Variants in ATP13A4 observed in about 807,000 individuals in gnomAD.
The protein encoded by ATP13A4 is ATPase 13A4, also known as probable cation-transporting ATPase 13A4.
Under a neutral mutation model 142.5 loss-of-function variants are expected in ATP13A4, and 114 were observed. The observed-to-expected ratio is 0.80, with a 90% CI of 0.69 to 0.93. The LOEUF (loss-of-function observed/expected upper bound fraction) is 0.93, where lower values mean the gene tolerates loss of function less well. Among genes scored for constraint, ATP13A4 ranks in the 40% least tolerant of loss-of-function variants. The pLI, the probability that ATP13A4 is intolerant of heterozygous loss-of-function variation, is 0.00. For missense variants in ATP13A4, 1,392 were observed against 1,454.0 expected (o/e 0.96, Z 0.69); for synonymous variants, 488 against 514.8 (o/e 0.95, Z 0.70).
rs1296599870 is a variant in ATP13A4, at chr3:193,448,413, C to A, written c.2028-83G>T. Reference sequence around the variant, plus strand: ...TTGAGACGGAGTCTCGCTCTGTCATCCAGGCTGGAGGACAGTGGTTCAAGT... The same window carrying A: ...TTGAGACGGAGTCTCGCTCTGTCATACAGGCTGGAGGACAGTGGTTCAAGT... On this transcript the variant is annotated intron_variant, in intron 17 of 29. Transcript: ENST00000342695. 3 of 1,550,194 alleles carry A rather than the reference C, an allele frequency of 1.9e-6. No individual in the cohort carries two copies. The East Asian group carries it at 6.8e-5, about 35-fold the overall frequency.
At chr3:193,406,646 CA>C (rs1016325914) in intron 29 of ATP13A4, among the ~76,000 whole-genome samples, 13 of 152,128 alleles carry the variant, frequency 8.5e-5, no homozygotes, top group Admixed American at 7.2e-4. Context: ...GAAAATGGAG[CA>C]AATGGAAGCT....
chr3:193,466,719 G>T (rs906670773), intron 10 of ATP13A4, among the ~76,000 whole-genome samples: 1 of 152,158 alleles, frequency 6.6e-6, no homozygotes, highest in Admixed American at 6.5e-5. Flanking sequence ...CCTATTCATG[G>T]ACATAGCAGA....
intron 1 of ATP13A4, among the ~76,000 whole-genome samples, chr3:193,519,626 A>ATTTTT (rs147173408): frequency 1.4e-4 from 10 of 69,040 alleles, no homozygotes; most frequent in East Asian, 1.4e-3. Flanking sequence ...GCAATTTGTA[A>ATTTTT]TTTTTTTTTT....
intron 1 of ATP13A4, among the ~76,000 whole-genome samples, chr3:193,550,369 T>C (rs531964761): frequency 2.0e-5 from 3 of 151,194 alleles, no homozygotes; most frequent in African/African-American, 4.9e-5. Flanking sequence ...TGCACTGATA[T>C]GATCTCAGCT....
At chr3:193,447,723 T>A (rs1717036019) in intron 18 of ATP13A4, among the ~76,000 whole-genome samples, 3 of 152,218 alleles carry the variant, frequency 2.0e-5, no homozygotes, top group Admixed American at 2.0e-4. Flanking sequence ...GAGTTGGGAT[T>A]GGGAGTAGAG....
chr3:193,591,755 C>T (rs2108752006), intron 1 of ATP13A4, among the ~76,000 whole-genome samples: 1 of 152,168 alleles, frequency 6.6e-6, no homozygotes, highest in South Asian at 2.1e-4. Context: ...TTAGTTTCTC[C>T]TTTTTTTATG....
At chr3:193,469,926 A>C (rs185504006) in intron 9 of ATP13A4, among the ~76,000 whole-genome samples, 1 of 152,296 alleles carries the variant, frequency 6.6e-6, no homozygotes, top group East Asian at 1.9e-4. Context: ...ATTTTTATGA[A>C]TCTATGGGAT....
chr3:193,571,418 A>G (rs867352652), intron 2 of ATP13A4, among the ~76,000 whole-genome samples: 1 of 152,204 alleles, frequency 6.6e-6, no homozygotes, highest in Non-Finnish European at 1.5e-5. Flanking sequence ...AAAGGGCTAC[A>G]TAACTATTCA....
rs747037812 is a variant in ATP13A4, at chr3:193,457,176, A to AG, written c.1762-24dup. 6 of 1,612,514 alleles carry AG rather than the reference A, an allele frequency of 3.7e-6. No homozygotes were observed. The South Asian group carries it at 6.6e-5, about 18-fold the overall frequency. On this transcript the variant is annotated intron_variant, in intron 15 of 29. Transcript: ENST00000342695. ...GACCTGGTTGAGGGATGGGGAAAGG[A>AG]GAGGAACATGCTGATACAGCTTCTA...
intron 3 of ATP13A4, 55 bp downstream of exon 3, chr3:193,502,438 G>C: frequency 6.3e-7 from 1 of 1,575,126 alleles, no homozygotes; most frequent in Non-Finnish European, 8.7e-7. Flanking sequence ...CTATATACTT[G>C]AGGGGAAAAA....
rs1553851730 is a variant in ATP13A4 at position 193,504,020 on chromosome 3, T to TGA, written c.235-1383_235-1382dup. 1.5e-3 allele frequency among the ~76,000 whole-genome samples: 211 copies of TGA among 144,184 alleles called. 1 individual carries two copies. The highest frequency in any genetic ancestry group is 7.0e-3 in the Middle Eastern group (2 of 286). 94.6% of individuals were successfully genotyped at this position (144,184 alleles called of 152,430 possible). A position where few individuals can be genotyped will look rare whatever the true frequency, so the allele number is the denominator to read the frequency against. On this transcript the variant is annotated intron_variant, in intron 2 of 29. Transcript: ENST00000342695. ...ATGTGTGTGTGTGTGTGTGTGTGTG[T>TGA]GAGAGAGAGAGAGAGAGAGAGAAAG...
chr3:193,423,599 A>G (rs1387979359), intron 25 of ATP13A4, among the ~76,000 whole-genome samples: 2 of 149,866 alleles, frequency 1.3e-5, no homozygotes. Flanking sequence ...AATCATTTCA[A>G]TAGATAAGCA....
intron 2 of ATP13A4, among the ~76,000 whole-genome samples, chr3:193,572,814 T>A (rs1162302220): frequency 6.6e-6 from 1 of 151,800 alleles, no homozygotes. Flanking sequence ...CAGTTTGACA[T>A]GTGAATAGGA....
At chr3:193,472,020 C>T (rs1417305962) in intron 8 of ATP13A4, among the ~76,000 whole-genome samples, 4 of 152,012 alleles carry the variant, frequency 2.6e-5, no homozygotes, top group Non-Finnish European at 5.9e-5. Context: ...TGTTGGGACC[C>T]GAGCAAGGTG....
Position 193,576,249 on chromosome 3 carries a change from C to CTTTTTTTTTTTTTT in ATP13A4, n.291+5444_291+5457dup, listed in dbSNP as rs59910562. 7.4e-5 allele frequency among the ~76,000 whole-genome samples: 4 copies of CTTTTTTTTTTTTTT among 54,364 alleles called. 1 individual carries two copies. Among genetic ancestry groups the CTTTTTTTTTTTTTT allele is most frequent in the Non-Finnish European group, 1.3e-4 (4 of 30,064 alleles). The allele number at this position is 54,364 out of a possible 152,430, so 35.7% of individuals were successfully genotyped here. A position where few individuals can be genotyped will look rare whatever the true frequency, so the allele number is the denominator to read the frequency against. ...TCCATGGAATGTGGCTTGAATCAAT[C>CTTTTTTTTTTTTTT]TTTTTTTTTTTTTTTTTTTTTTTTT... is the stretch of plus-strand genomic sequence containing the variant. On this transcript the variant is annotated intron_variant and non_coding_transcript_variant, in intron 2 of 3. Coordinates refer to the ATP13A4 transcript ENST00000489140.
chr3:193,492,880 C>G, intron 5 of ATP13A4, 37 bp downstream of exon 5: 1 of 1,473,838 alleles, frequency 6.8e-7, no homozygotes, highest in Non-Finnish European at 9.5e-7. Flanking sequence ...TGATAATAAT[C>G]CTTTTGAGCT....
At chr3:193,423,713 C>T (rs943861846) in intron 25 of ATP13A4, among the ~76,000 whole-genome samples, 2 of 149,786 alleles carry the variant, frequency 1.3e-5, no homozygotes, top group African/African-American at 4.9e-5. Flanking sequence ...AAATCCACAA[C>T]TCACATCATA....
intron 2 of ATP13A4, among the ~76,000 whole-genome samples, chr3:193,579,864 G>A (rs938397875): frequency 5.3e-5 from 8 of 152,224 alleles, no homozygotes; most frequent in East Asian, 3.9e-4. Flanking sequence ...GTGCCCATAC[G>A]TTAACTAATT....
At chr3:193,438,634 T>G in intron 22 of ATP13A4, 50 bp from the exon 23 acceptor site, 4 of 1,487,890 alleles carry the variant, frequency 2.7e-6, no homozygotes, top group African/African-American at 1.4e-5. Context: ...CGTACGTCTC[T>G]ACTAAAGCCT....
Sources: allele counts gnomAD v4.1 joint callset (sites outside exome capture counted in the v4.1 genomes callset), GRCh38; gene constraint gnomAD v4.1.1; transcripts MANE v1.5; gene names NCBI Gene and HGNC (gene_info 2026-07-23, HGNC 2026-07-21).